CLCN7: variants seen among roughly 807,000 people sequenced by gnomAD.
The protein encoded by CLCN7 is H(+)/Cl(-) exchange transporter 7.
Under a neutral mutation model 102.1 loss-of-function variants are expected in CLCN7, and 60 were observed. That is an observed-to-expected ratio of 0.59 (90% confidence interval 0.48 to 0.73). CLCN7 has a LOEUF of 0.73. Among genes scored for constraint, CLCN7 ranks in the 30% least tolerant of loss-of-function variants. CLCN7 has a pLI of 0.00. For missense variants in CLCN7, 962 were observed against 1,125.7 expected (o/e 0.85, Z 2.08); for synonymous variants, 560 against 490.5 (o/e 1.14, Z -1.87).
At chr16:1,449,158 C>T (rs2038702710) in intron 18 of CLCN7, 65 bp from the exon 19 acceptor site, 1 of 1,603,300 alleles carries the variant, frequency 6.2e-7, no homozygotes, top group Non-Finnish European at 8.5e-7. Flanking sequence ...TGGCCACTGC[C>T]TTCTCTGCAG....
At chr16:1,464,480 T>A (rs1339196285) in intron 2 of CLCN7, among the ~76,000 whole-genome samples, 2 of 152,142 alleles carry the variant, frequency 1.3e-5, no homozygotes, top group Non-Finnish European at 2.9e-5. Flanking sequence ...CACAAACGTA[T>A]CAGAAGGGCA....
chr16:1,460,709 G>A, intron 5 of CLCN7, 107 bp downstream of exon 5: 1 of 1,550,914 alleles, frequency 6.4e-7, no homozygotes, highest in Non-Finnish European at 8.8e-7. Flanking sequence ...GCCTGGCCGG[G>A]CCGCCTCCAC....
rs760740877 is a variant in CLCN7 at position 1,447,063 on chromosome 16, G to T, written c.2274C>A (p.Phe758Leu). Reference protein sequence around the residue: ...VPQEASLPRVFKLFRALGLRH... With the variant: ...VPQEASLPRVLKLFRALGLRH... ...GCAGGCCCAGGGCCCGGAACAGCTT[G>T]AACACCCGTGGGAGCGACGCCTCCT... Residue 758 changes from phenylalanine (F) to leucine (L), a missense_variant, in exon 24 of 25, where the codon TTC (phenylalanine) becomes TTA (leucine). Coordinates refer to ENST00000382745, the MANE Select transcript of CLCN7 (RefSeq NM_001287.6). The T allele has an allele frequency of 6.2e-7, 1 of 1,602,194 alleles. No individual in the cohort carries two copies. The highest frequency in any genetic ancestry group is 8.5e-7 in the Non-Finnish European group (1 of 1,178,294).
intron 2 of CLCN7, among the ~76,000 whole-genome samples, chr16:1,464,637 C>T (rs2038980407): frequency 6.6e-6 from 1 of 152,218 alleles, no homozygotes; most frequent in Admixed American, 6.5e-5. Flanking sequence ...TCTGACGTGG[C>T]CCAGGGCAGA....
rs1432422816 is a variant in CLCN7 at position 1,453,865 on chromosome 16, A to G, written c.1183T>C (p.Leu395=). The G allele has an allele frequency of 6.2e-7, 1 of 1,613,400 alleles. No individual in the cohort carries two copies. The highest frequency in any genetic ancestry group is 1.7e-5 in the Admixed American group (1 of 60,032). The change falls in exon 14 of 25, where the codon TTG becomes CTG. Residue 395 remains leucine, a synonymous_variant. Transcript: ENST00000382745. ...CGAAACATGGTCAGCCAGTAGTTCAAGGCATTGAACACTGCTCCAAGCACA... is the reference window on the plus strand; with the variant it reads ...CGAAACATGGTCAGCCAGTAGTTCAGGGCATTGAACACTGCTCCAAGCACA... The part of the protein sequence containing the change: ...GGVLGAVFNA[L]NYWLTMFRIR...
chr16:1,461,173 C>A (rs1024731539), intron 4 of CLCN7, among the ~76,000 whole-genome samples: 2 of 152,252 alleles, frequency 1.3e-5, no homozygotes, highest in African/African-American at 2.4e-5. Flanking sequence ...TCACAGCCAG[C>A]GGTTGTTATG....
rs905428385 is a variant in CLCN7, at chr16:1,446,209, G to A, written c.*422C>T. Reference sequence around the variant, plus strand: ...GTCTCGAAGACTCCACTGGTGTGGAGGCAGAGGGGCCCTTCCAGGGCAGGG... The same window carrying A: ...GTCTCGAAGACTCCACTGGTGTGGAAGCAGAGGGGCCCTTCCAGGGCAGGG... On this transcript the variant is annotated 3_prime_UTR_variant, in exon 25 of 25. Transcript: ENST00000382745. 3.2e-6 allele frequency: 2 copies of A among 628,072 alleles called. No individual in the cohort carries two copies. The highest frequency in any genetic ancestry group is 2.7e-5 in the East Asian group (1 of 36,932). The allele number at this position is 628,072 out of a possible 1,614,324, so 38.9% of individuals were successfully genotyped here.
chr16:1,467,169 C>A (rs1440575034), intron 1 of CLCN7, among the ~76,000 whole-genome samples: 1 of 152,176 alleles, frequency 6.6e-6, no homozygotes, highest in African/African-American at 2.4e-5. Flanking sequence ...TCAGGCCATC[C>A]CCATCAAAAG....
At chr16:1,449,220 G>T in intron 18 of CLCN7, 56 bp downstream of exon 18, 1 of 1,568,436 alleles carries the variant, frequency 6.4e-7, no homozygotes, top group South Asian at 1.2e-5. Flanking sequence ...GGACAGCCAT[G>T]GCCCCCTCCA....
At chr16:1,469,199 C>G (rs1485027043) in intron 1 of CLCN7, among the ~76,000 whole-genome samples, 1 of 151,978 alleles carries the variant, frequency 6.6e-6, no homozygotes, top group East Asian at 1.9e-4. Context: ...GAGCAAGACC[C>G]TGTCTCAAAT....
chr16:1,460,877 G>A lies in CLCN7; in HGVS notation c.423C>T (p.Ala141=). ...TTTCCACCACGATGTCAATGAAGCA[G>A]GCCACGAGGCCCGTGAGGATCCCAA... is the stretch of plus-strand genomic sequence containing the variant. ...ALIGILTGLV[A]CFIDIVVENL... is the part of the protein sequence containing the mutation. The change falls in exon 5 of 25, where the codon GCC becomes GCT. Residue 141 remains alanine (A), a synonymous_variant. Coordinates refer to ENST00000382745, the MANE Select transcript of CLCN7 (RefSeq NM_001287.6). The A allele has an allele frequency of 6.2e-7, 1 of 1,614,048 alleles. No homozygotes were observed. The highest frequency in any genetic ancestry group is 8.5e-7 in the Non-Finnish European group (1 of 1,179,960).
At position 1,446,046 on chromosome 16, in the gene CLCN7, CT is replaced by C; in HGVS notation, c.*584del. On this transcript the variant is annotated 3_prime_UTR_variant, in exon 25 of 25. Coordinates refer to ENST00000382745, the MANE Select transcript of CLCN7 (RefSeq NM_001287.6). ...TGCAGGCCGGGGAGTGCACGTGGGG[CT>C]CCTCTGTGGCGCCAGTGTGAAGCTG... is the stretch of plus-strand genomic sequence containing the variant. 2 of 573,198 alleles carry C rather than the reference CT, an allele frequency of 3.5e-6. No homozygotes were observed. The highest frequency in any genetic ancestry group is 6.2e-6 in the Non-Finnish European group (2 of 324,276). 35.5% of individuals were successfully genotyped at this position (573,198 alleles called of 1,614,324 possible).
chr16:1,465,408 G>A (rs956381152), intron 1 of CLCN7, 70 bp from the exon 2 acceptor site: 23 of 1,394,942 alleles, frequency 1.6e-5, no homozygotes, highest in Non-Finnish European at 2.2e-5. Flanking sequence ...TCTCACTCCC[G>A]CCGCCGCACC....
chr16:1,466,978 C>A (rs1315060776), intron 1 of CLCN7, among the ~76,000 whole-genome samples: 3 of 151,584 alleles, frequency 2.0e-5, no homozygotes, highest in African/African-American at 7.3e-5. Context: ...CAGCCCACTG[C>A]CCTCCAGGGA....
At position 1,452,569 on chromosome 16, in the gene CLCN7, C is replaced by T. The variant is rs1279467570; in HGVS notation, c.1353+186G>A. ...ACCACCGCCCATTCCCCTGGCACCT[C>T]AGCAGACACCTGGCCTCCTCTGAGA... On this transcript the variant is annotated intron_variant, in intron 15 of 24. Transcript: ENST00000382745. The T allele has an allele frequency of 7.8e-6, 5 of 638,860 alleles. No homozygotes were observed. In the Admixed American group the frequency reaches 8.8e-5, roughly 11 times the overall value. The allele number at this position is 638,860 out of a possible 1,614,324, so 39.6% of individuals were successfully genotyped here. A position where few individuals can be genotyped will look rare whatever the true frequency, so the allele number is the denominator to read the frequency against.
chr16:1,451,588 C>A, intron 16 of CLCN7, 35 bp downstream of exon 16: 1 of 1,568,884 alleles, frequency 6.4e-7, no homozygotes, highest in East Asian at 2.2e-5. Context: ...AGGCCCTGAT[C>A]CCAGGGCCTG....
chr16:1,446,627 G>A lies in CLCN7; in HGVS notation c.*4C>T. 1 of 1,560,982 alleles carries A rather than the reference G, an allele frequency of 6.4e-7. No homozygotes were observed. Among genetic ancestry groups the A allele is most frequent in the Non-Finnish European group, 8.7e-7 (1 of 1,152,442 alleles). The stretch of plus-strand genomic sequence containing the variant: ...CCAGTGCCCATTATGGGCAGGGCTG[G>A]GCCTCACGTCTGGGCCAGCGAGAGC... On this transcript the variant is annotated 3_prime_UTR_variant, in exon 25 of 25. Coordinates refer to ENST00000382745, the MANE Select transcript of CLCN7 (RefSeq NM_001287.6).
At chr16:1,446,869 G>T in intron 24 of CLCN7, 137 bp downstream of exon 24, 1 of 1,113,220 alleles carries the variant, frequency 9.0e-7, no homozygotes, top group Non-Finnish European at 1.3e-6. Flanking sequence ...GGGGAGGGGT[G>T]CAGCCATGGG....
chr16:1,447,306 C>G (rs1001180202), intron 23 of CLCN7, 86 bp downstream of exon 23: 76 of 1,386,458 alleles, frequency 5.5e-5, no homozygotes, highest in Middle Eastern at 5.0e-4. Context: ...TGTGGCCCCC[C>G]CCGGCTGCCC....
Sources: gnomAD v4.1 joint callset for allele counts (sites outside exome capture counted in the v4.1 genomes callset) on GRCh38, gnomAD v4.1.1 for gene constraint, MANE v1.5 for transcripts, NCBI Gene and HGNC (gene_info 2026-07-23, HGNC 2026-07-21) for gene names.